Variants in P2RY8 observed in about 807,000 individuals in gnomAD.
P2RY8 encodes the protein P2Y receptor family member 8.
P2RY8 carries 6 observed loss-of-function variants against 10.0 expected under a neutral mutation model. The ratio of observed to expected loss-of-function variants is 0.60; its 90% CI spans 0.33 to 1.19. P2RY8 has a LOEUF of 1.19. Ranked by LOEUF, P2RY8 falls within the 50% of genes most tolerant of loss-of-function variation. The probability of loss-of-function intolerance (pLI) is 0.04; values close to 1 mark genes in which losing one functional copy is unlikely to be tolerated. For missense variants in P2RY8, 456 were observed against 542.0 expected (o/e 0.84, Z 1.58); for synonymous variants, 276 against 252.5 (o/e 1.09, Z -0.88).
intron 1 of P2RY8, among the ~76,000 whole-genome samples, chrX:1,474,878 GTGGA>G (rs1179994281): frequency 6.8e-5 from 9 of 133,180 alleles, no homozygotes; most frequent in South Asian, 2.4e-4. Flanking sequence ...GTATGGGTGT[GTGGA>G]TGGATGGATG....
chrX:1,497,685 G>C (rs2092131221), intron 1 of P2RY8, among the ~76,000 whole-genome samples: 1 of 151,334 alleles, frequency 6.6e-6, no homozygotes, highest in Non-Finnish European at 1.5e-5. Flanking sequence ...ATAGTATGCT[G>C]ACAAGCAAAT....
chrX:1,475,492 T>G (rs1366769955), intron 1 of P2RY8, among the ~76,000 whole-genome samples: 1 of 151,916 alleles, frequency 6.6e-6, no homozygotes, highest in Non-Finnish European at 1.5e-5. Context: ...AGAGAATGCA[T>G]TGCTGTTATT....
chrX:1,520,041 T>C (rs377742516), intron 1 of P2RY8, among the ~76,000 whole-genome samples: 13 of 151,218 alleles, frequency 8.6e-5, no homozygotes, highest in African/African-American at 2.9e-4. Context: ...CTCTCTCTGG[T>C]CCCCAATAAT....
chrX:1,483,991 A>C (rs2091963032), intron 1 of P2RY8, among the ~76,000 whole-genome samples: 1 of 149,510 alleles, frequency 6.7e-6, no homozygotes, highest in South Asian at 2.1e-4. Context: ...GTTCCCCTAA[A>C]CCCAAAGCTG....
chrX:1,466,197 C>T lies in P2RY8; in HGVS notation c.362G>A (p.Arg121His), dbSNP rs1318644543. 1 of 1,612,904 alleles carries T rather than the reference C, an allele frequency of 6.2e-7. No individual in the cohort carries two copies. The highest frequency in any genetic ancestry group is 8.5e-7 in the Non-Finnish European group (1 of 1,179,496). Residue 121 changes from arginine to histidine, a missense_variant, in exon 2 of 2, where the codon CGC (arginine) becomes CAC (histidine). Physicochemically the swap from Arg to His is conservative, Grantham distance 29 (BLOSUM62 0). Transcript: ENST00000381297. The stretch of plus-strand genomic sequence containing the variant: ...GAGCGGGTACAGGACCCCCAGGAAG[C>T]GCTCCACGCTGATACAGGTCATGGT... ...ILTMTCISVE[R>H]FLGVLYPLSS...
chrX:1,466,256 C>T lies in P2RY8; in HGVS notation c.303G>A (p.Val101=), dbSNP rs1348116327. 2 of 1,613,840 alleles carry T rather than the reference C, an allele frequency of 1.2e-6. No homozygotes were observed. ...FGVLLCNVVT[V]AFYANMYSSI... ...TGGAATACATGTTTGCGTAAAAGGC[C>T]ACGGTCACCACGTTGCAAAGCAGCA... The change falls in exon 2 of 2, where the codon GTG becomes GTA. Residue 101 remains valine, a synonymous_variant. Transcript: ENST00000381297.
At chrX:1,494,416 G>T (rs2092097311) in intron 1 of P2RY8, 2 of 152,182 alleles carry the variant, frequency 1.3e-5, no homozygotes, top group Admixed American at 1.3e-4. Context: ...ACTGGCCAGA[G>T]CAACAATAGA....
At chrX:1,468,552 G>A (rs1282248748) in intron 1 of P2RY8, among the ~76,000 whole-genome samples, 6 of 152,096 alleles carry the variant, frequency 3.9e-5, no homozygotes, top group Admixed American at 3.3e-4. Flanking sequence ...CTTGCGGTTT[G>A]GGCCCCGCCG....
intron 1 of P2RY8, among the ~76,000 whole-genome samples, chrX:1,487,492 G>A (rs2091997393): frequency 6.6e-6 from 1 of 152,096 alleles, no homozygotes; most frequent in South Asian, 2.1e-4. Flanking sequence ...GTGGTGCTTG[G>A]GACCCAGACT....
chrX:1,500,798 A>AC (rs1206566431), intron 1 of P2RY8, among the ~76,000 whole-genome samples: 1 of 151,866 alleles, frequency 6.6e-6, no homozygotes, highest in African/African-American at 2.4e-5. Context: ...AGCCGCCGCC[A>AC]CCCCCAGCCC....
intron 1 of P2RY8, among the ~76,000 whole-genome samples, chrX:1,473,017 G>T (rs1414488061): frequency 1.4e-5 from 2 of 145,324 alleles, no homozygotes; most frequent in African/African-American, 5.1e-5. Context: ...TGGATGAATG[G>T]TAGGTGGGTT....
At chrX:1,497,656 A>AAAATAAATAAAT (rs200860203) in intron 1 of P2RY8, among the ~76,000 whole-genome samples, 1 of 151,626 alleles carries the variant, frequency 6.6e-6, no homozygotes, top group African/African-American at 2.4e-5. Flanking sequence ...ACTCTGTCTC[A>AAAATAAATAAAT]AAATAAATAA....
At chrX:1,504,758 G>A (rs549543313) in intron 1 of P2RY8, among the ~76,000 whole-genome samples, 4 of 151,682 alleles carry the variant, frequency 2.6e-5, no homozygotes, top group Admixed American at 6.6e-5. Context: ...AGGCTGATGC[G>A]GGCGGATCAC....
chrX:1,534,099 T>TAA (rs2092505160), intron 1 of P2RY8, among the ~76,000 whole-genome samples: 4 of 132,576 alleles, frequency 3.0e-5, no homozygotes, highest in African/African-American at 1.1e-4. Flanking sequence ...CATATATATT[T>TAA]ATATATAATA....
rs2092323109 is a variant in P2RY8 at position 1,514,422 on chromosome X, CTTCCT to C, written c.-25+22494_-25+22498del. On this transcript the variant is annotated intron_variant, in intron 1 of 1. Transcript: ENST00000381297. Reference sequence around the variant, plus strand: ...CCTTTCCTCCCCTCCCTTCCCTTCCCTTCCTTTCCCTTCTCTTCCCTTCCCTTCCC... The same window carrying C: ...CCTTTCCTCCCCTCCCTTCCCTTCCCTTCCCTTCTCTTCCCTTCCCTTCCC... Among the ~76,000 whole-genome samples, 3 of 33,426 alleles carry C rather than the reference CTTCCT, an allele frequency of 9.0e-5. No individual in the cohort carries two copies. In the South Asian group the frequency reaches 3.3e-3, roughly 36 times the overall value. The allele number at this position is 33,426 out of a possible 152,430, so 21.9% of individuals were successfully genotyped here.
chrX:1,466,575 C>G lies in P2RY8; in HGVS notation c.-17G>C, dbSNP rs1273689233. Reference sequence around the variant, plus strand: ...GACCTGCATCCTGGAGGGGTCCTCGCCCGGGCTCTGCAAGGGAAGGAGGGA... The same window carrying G: ...GACCTGCATCCTGGAGGGGTCCTCGGCCGGGCTCTGCAAGGGAAGGAGGGA... On this transcript the variant is annotated 5_prime_UTR_variant, in exon 2 of 2. Transcript: ENST00000381297. The G allele has an allele frequency of 3.1e-6, 5 of 1,594,558 alleles. No homozygotes were observed.
chrX:1,530,081 T>C (rs2092462261), intron 1 of P2RY8, among the ~76,000 whole-genome samples: 1 of 151,978 alleles, frequency 6.6e-6, no homozygotes, highest in Non-Finnish European at 1.5e-5. Context: ...TCTCTCTCTC[T>C]CCGTCATCCA....
intron 1 of P2RY8, among the ~76,000 whole-genome samples, chrX:1,509,099 GTATCTATCTATCTATCTATC>G (rs760585041): frequency 1.4e-5 from 2 of 138,308 alleles, no homozygotes; most frequent in Admixed American, 7.2e-5. Flanking sequence ...ATGTATCTAT[GTATCTATCTATCTATCTATC>G]TATCTATCTA....
At chrX:1,470,872 T>C (rs2091776039) in intron 1 of P2RY8, among the ~76,000 whole-genome samples, 1 of 150,696 alleles carries the variant, frequency 6.6e-6, no homozygotes, top group South Asian at 2.1e-4. Context: ...AGTCTTGCTC[T>C]GTTGCCCAGG....
Sources: allele counts gnomAD v4.1 joint callset (sites outside exome capture counted in the v4.1 genomes callset), GRCh38; gene constraint gnomAD v4.1.1; transcripts MANE v1.5; gene names NCBI Gene and HGNC (gene_info 2026-07-23, HGNC 2026-07-21).